Variants in RNF150 observed in about 807,000 individuals in gnomAD.
RNF150 encodes ring finger protein 150.
In RNF150, 24 loss-of-function variants were observed where a neutral mutation model predicts 39.3. The observed-to-expected ratio is 0.61, with a 90% confidence interval of 0.44 to 0.86. The LOEUF (loss-of-function observed/expected upper bound fraction) is 0.86. Ranked by LOEUF, RNF150 falls within the 40% of genes least tolerant of loss-of-function variation. RNF150 has a pLI of 0.00. For missense variants in RNF150, 502 were observed against 587.8 expected (o/e 0.85, Z 1.51); for synonymous variants, 255 against 227.3 (o/e 1.12, Z -1.10).
chr4:141,040,710 G>A (rs1198912145), intron 1 of RNF150, among the ~76,000 whole-genome samples: 4 of 152,170 alleles, frequency 2.6e-5, no homozygotes, highest in African/African-American at 9.6e-5. Flanking sequence ...CACATCAGTG[G>A]TTTCCTACCT....
At position 140,868,145 on chromosome 4, in the gene RNF150, G is replaced by A. The variant is rs568628958; in HGVS notation, c.*116C>T. 116 of 688,746 alleles carry A rather than the reference G, an allele frequency of 1.7e-4. 1 individual carries two copies. Among genetic ancestry groups the A allele is most frequent in the South Asian group, 1.3e-3 (76 of 56,568 alleles). The allele number at this position is 688,746 out of a possible 1,614,324, so 42.7% of individuals were successfully genotyped here. ...TTTCGTCAGCATTCTTGAACGGAGC[G>A]CCCTGGAGTTGCCAAGGTGATCTGG... On this transcript the variant is annotated 3_prime_UTR_variant, in exon 7 of 7. Transcript: ENST00000515673.
Position 141,186,598 on chromosome 4 carries a change from G to A in RNF150, c.-6+26196C>T, listed in dbSNP as rs184696532. 4.2e-3 allele frequency among the ~76,000 whole-genome samples: 638 copies of A among 151,832 alleles called. 1 individual carries two copies. Among genetic ancestry groups the A allele is most frequent in the Non-Finnish European group, 7.1e-3 (483 of 67,920 alleles). On this transcript the variant is annotated intron_variant, in intron 1 of 7. Coordinates refer to the RNF150 transcript ENST00000420921. ...TATTTTTTTTTTTTAGTAGAGACAG[G>A]GTTTCACCATGTTAGCCAGGATGGT...
At chr4:141,199,420 T>A (rs1380976549) in intron 1 of RNF150, among the ~76,000 whole-genome samples, 1 of 152,214 alleles carries the variant, frequency 6.6e-6, no homozygotes, top group Non-Finnish European at 1.5e-5. Flanking sequence ...TATACATTGA[T>A]TCACAATGTC....
chr4:141,114,942 C>T (rs753224255), intron 1 of RNF150, among the ~76,000 whole-genome samples: 3 of 152,124 alleles, frequency 2.0e-5, no homozygotes, highest in Non-Finnish European at 4.4e-5. Flanking sequence ...CAATTCAACA[C>T]CTCTTCATGA....
intron 4 of RNF150, among the ~76,000 whole-genome samples, chr4:140,934,142 C>G (rs1340763061): frequency 2.6e-5 from 4 of 152,210 alleles, no homozygotes; most frequent in Admixed American, 2.6e-4. Context: ...TCCCAAGCAG[C>G]TGGGACTATA....
intron 5 of RNF150, among the ~76,000 whole-genome samples, chr4:140,913,562 G>C (rs1283771072): frequency 6.6e-6 from 1 of 152,104 alleles, no homozygotes; most frequent in East Asian, 1.9e-4. Flanking sequence ...TAATTCCCAG[G>C]TCCAGTGTCC....
At chr4:141,021,759 TGTCCCA>T (rs1175679410) in intron 1 of RNF150, among the ~76,000 whole-genome samples, 12 of 152,180 alleles carry the variant, frequency 7.9e-5, no homozygotes, top group African/African-American at 1.7e-4. Context: ...GAAACAGATG[TGTCCCA>T]TTGTTACAGG....
chr4:140,906,343 AATAAT>A (rs1338192325), intron 6 of RNF150, among the ~76,000 whole-genome samples: 1 of 152,192 alleles, frequency 6.6e-6, no homozygotes, highest in African/African-American at 2.4e-5. Flanking sequence ...TACAAATAAA[AATAAT>A]ATAAATAAAA....
chr4:140,932,687 G>A (rs975232789), intron 4 of RNF150, among the ~76,000 whole-genome samples: 4 of 152,174 alleles, frequency 2.6e-5, no homozygotes, highest in African/African-American at 9.7e-5. Flanking sequence ...CCTATCTGAG[G>A]CACCCAATAC....
chr4:141,194,886 G>A (rs1180123018), intron 1 of RNF150, among the ~76,000 whole-genome samples: 1 of 152,108 alleles, frequency 6.6e-6, no homozygotes, highest in Non-Finnish European at 1.5e-5. Context: ...GGAAAAATGG[G>A]ATAATAGTGG....
chr4:141,102,034 G>T (rs1448258962), intron 1 of RNF150, among the ~76,000 whole-genome samples: 2 of 152,038 alleles, frequency 1.3e-5, no homozygotes, highest in African/African-American at 4.8e-5. Flanking sequence ...TACCTGCCTT[G>T]ACCTCCCAAA....
At chr4:141,206,847 C>A (rs1728383170) in intron 1 of RNF150, among the ~76,000 whole-genome samples, 1 of 151,934 alleles carries the variant, frequency 6.6e-6, no homozygotes, top group Admixed American at 6.6e-5. Flanking sequence ...AGGCCGAAAG[C>A]CTCAAAACCA....
intron 6 of RNF150, among the ~76,000 whole-genome samples, chr4:140,884,200 GCTGT>G (rs57610349): frequency 0.13 from 20,489 of 151,884 alleles, 1,653 homozygotes; most frequent in East Asian, 0.38. Flanking sequence ...ATTATATCCA[GCTGT>G]CTATCTGTGC....
intron 6 of RNF150, among the ~76,000 whole-genome samples, chr4:140,880,629 C>G (rs1729337393): frequency 6.8e-6 from 1 of 147,280 alleles, no homozygotes; most frequent in Non-Finnish European, 1.5e-5. Flanking sequence ...GTAAAGCCAT[C>G]TGGTCCTGGG....
At chr4:141,026,293 G>A (rs1735693928) in intron 1 of RNF150, among the ~76,000 whole-genome samples, 1 of 152,146 alleles carries the variant, frequency 6.6e-6, no homozygotes, top group Non-Finnish European at 1.5e-5. Flanking sequence ...AATGAGAAAA[G>A]ACACATTGAG....
At chr4:141,125,180 C>T (rs907848777) in intron 1 of RNF150, among the ~76,000 whole-genome samples, 4 of 152,136 alleles carry the variant, frequency 2.6e-5, no homozygotes, top group Non-Finnish European at 2.9e-5. Context: ...ATATACAAAG[C>T]ACATTTATCC....
chr4:140,910,584 T>C (rs1730555599), intron 6 of RNF150, among the ~76,000 whole-genome samples: 1 of 149,998 alleles, frequency 6.7e-6, no homozygotes, highest in South Asian at 2.1e-4. Flanking sequence ...TTAGTGTCTC[T>C]TGCAGATATG....
At chr4:141,131,082 T>G (rs924235549) in intron 1 of RNF150, among the ~76,000 whole-genome samples, 3 of 152,220 alleles carry the variant, frequency 2.0e-5, no homozygotes, top group Non-Finnish European at 4.4e-5. Flanking sequence ...ACAGCTGGTG[T>G]TGATTACTGG....
intron 5 of RNF150, among the ~76,000 whole-genome samples, chr4:140,914,538 C>T (rs1419159847): frequency 6.6e-6 from 1 of 152,160 alleles, no homozygotes; most frequent in African/African-American, 2.4e-5. Context: ...ATAAAAATCA[C>T]CAACCTATTC....
Sources: gnomAD v4.1 joint callset for allele counts (sites outside exome capture counted in the v4.1 genomes callset) on GRCh38, gnomAD v4.1.1 for gene constraint, MANE v1.5 for transcripts, NCBI Gene and HGNC (gene_info 2026-07-23, HGNC 2026-07-21) for gene names.